ADH1C: variants seen among roughly 807,000 people sequenced by gnomAD.
ADH1C encodes alcohol dehydrogenase 1C.
A neutral mutation model predicts 35.0 loss-of-function variants in ADH1C; 26 were observed. The ratio of observed to expected loss-of-function variants is 0.74; its 90% CI spans 0.54 to 1.03. The LOEUF (loss-of-function observed/expected upper bound fraction) is 1.03, where lower values mean the gene tolerates loss of function less well. Ranked by LOEUF, ADH1C falls within the 50% of genes least tolerant of loss-of-function variation. The probability of loss-of-function intolerance (pLI) is 0.00; values close to 1 mark genes in which losing one functional copy is unlikely to be tolerated. For synonymous variants in ADH1C, 170 were observed against 169.3 expected, an observed-to-expected ratio of 1.00 and a Z score of -0.03; for missense variants, 413 against 465.4, an observed-to-expected ratio of 0.89 and a Z score of 1.04.
intron 1 of ADH1C, among the ~76,000 whole-genome samples, chr4:99,350,843 A>C (rs1734658362): frequency 6.6e-6 from 1 of 152,232 alleles, no homozygotes; most frequent in Non-Finnish European, 1.5e-5. Flanking sequence ...GGCTGTCCAG[A>C]GAATAAAGAT....
rs780905591 is a variant in ADH1C, at chr4:99,340,662, C to A, written c.877G>T (p.Val293Leu). The A allele has an allele frequency of 5.6e-6, 9 of 1,613,124 alleles. No individual in the cohort carries two copies. The Admixed American group carries it at 1.3e-4, about 24-fold the overall frequency. The change falls in exon 7 of 9, where the codon GTA becomes TTA. Residue 293 changes from valine (V) to leucine (L), a missense_variant. By Grantham distance (32) the Val-to-Leu change is conservative (BLOSUM62 1). Transcript: ENST00000515683. ...TTCTGGGAATCAGGAGGTACCCCTA[C>A]AATGACACTTGTGCCACATGCCTCA... ...CHEACGTSVI[V>L]GVPPDSQNLS...
chr4:99,341,411 G>A (rs976396424), intron 6 of ADH1C, among the ~76,000 whole-genome samples: 4 of 152,190 alleles, frequency 2.6e-5, no homozygotes, highest in Admixed American at 2.6e-4. Flanking sequence ...TGATCTTTGG[G>A]AGACTGACAT....
Position 99,347,818 on chromosome 4 carries a change from C to T in ADH1C, c.47G>A (p.Trp16Ter), listed in dbSNP as rs1478551212. 1 of 1,613,842 alleles carries T rather than the reference C, an allele frequency of 6.2e-7. No individual in the cohort carries two copies. The highest frequency in any genetic ancestry group is 1.1e-5 in the South Asian group (1 of 91,032). Reference protein sequence around the residue: ...KVIKCKAAVLWELKKPFSIEE... With the variant: ...KVIKCKAAVL ...AATGGAAAAGGGTTTCTTTAACTCC[C>T]ATAGCACAGCTGCTTTGCATTTGAT... The change falls in exon 2 of 9, where the codon TGG becomes TAG. Residue 16 changes from tryptophan (W) to a stop codon, truncating the protein, a stop_gained. Coordinates refer to ENST00000515683, the MANE Select transcript of ADH1C (RefSeq NM_000669.5). LOFTEE classifies it high-confidence loss of function.
intron 8 of ADH1C, 97 bp from the exon 9 acceptor site, chr4:99,336,873 T>A: frequency 6.5e-7 from 1 of 1,540,022 alleles, no homozygotes; most frequent in Admixed American, 1.7e-5. Context: ...TTAGTGAAAA[T>A]CTCTCTGTGT....
chr4:99,336,659 G>C lies in ADH1C; in HGVS notation c.*93C>G. ...GTAATTTATTTTTAACATCTCTGAA[G>C]AGCAGAATTAATGATATTTCCTAGC... On this transcript the variant is annotated 3_prime_UTR_variant, in exon 9 of 9. Coordinates refer to ENST00000515683, the MANE Select transcript of ADH1C (RefSeq NM_000669.5). 12 of 1,458,656 alleles carry C rather than the reference G, an allele frequency of 8.2e-6. No homozygotes were observed. The highest frequency in any genetic ancestry group is 1.2e-5 in the Non-Finnish European group (12 of 1,042,094). The allele number at this position is 1,458,656 out of a possible 1,614,324, so 90.4% of individuals were successfully genotyped here.
chr4:99,342,024 A>ATT (rs1734427616), intron 6 of ADH1C, among the ~76,000 whole-genome samples: 1 of 149,030 alleles, frequency 6.7e-6, no homozygotes, highest in African/African-American at 2.5e-5. Context: ...AAAAAAAAAA[A>ATT]AATAAATAAA....
chr4:99,336,892 A>G, intron 8 of ADH1C, 116 bp from the exon 9 acceptor site: 1 of 1,443,446 alleles, frequency 6.9e-7, no homozygotes, highest in South Asian at 1.2e-5. Context: ...GTTCTCAGCC[A>G]CTCCCTTCCC....
chr4:99,343,035 A>G lies in ADH1C; in HGVS notation c.588T>C (p.Cys196=). Residue 196 remains cysteine, a synonymous_variant, in exon 6 of 9, where the codon TGT becomes TGC. Coordinates refer to ENST00000515683, the MANE Select transcript of ADH1C (RefSeq NM_000669.5). ...KVAKVTPGST[C]AVFGLGGVGL... is the part of the protein sequence containing the mutation. The stretch of plus-strand genomic sequence containing the variant: ...CGACCCCTCCCAGGCCAAACACAGC[A>G]CAGGTAGACCCTGGGGTGACCTATG... The G allele has an allele frequency of 6.2e-6, 10 of 1,614,206 alleles. No homozygotes were observed. The highest frequency in any genetic ancestry group is 7.6e-6 in the Non-Finnish European group (9 of 1,180,026).
intron 1 of ADH1C, among the ~76,000 whole-genome samples, chr4:99,352,421 G>C (rs758129962): frequency 2.0e-5 from 3 of 152,064 alleles, no homozygotes; most frequent in Admixed American, 1.3e-4. Flanking sequence ...TATTCTTTTT[G>C]AAGGTATTTA....
At chr4:99,345,294 T>C in intron 3 of ADH1C, 28 bp from the exon 4 acceptor site, 2 of 1,587,912 alleles carry the variant, frequency 1.3e-6, no homozygotes, top group Non-Finnish European at 1.7e-6. Context: ...AAATTCTTCT[T>C]AAATTTCTAT....
intron 1 of ADH1C, among the ~76,000 whole-genome samples, chr4:99,350,652 T>G (rs1734655415): frequency 6.6e-6 from 1 of 152,216 alleles, no homozygotes; most frequent in African/African-American, 2.4e-5. Flanking sequence ...TGATGGGCAT[T>G]TAGGAAGTTT....
intron 6 of ADH1C, among the ~76,000 whole-genome samples, chr4:99,342,496 T>C (rs1734438379): frequency 6.6e-6 from 1 of 152,216 alleles, no homozygotes; most frequent in Non-Finnish European, 1.5e-5. Flanking sequence ...ATTATTTATA[T>C]ATATTTAAGT....
chr4:99,349,940 A>G (rs1022416157), intron 1 of ADH1C, among the ~76,000 whole-genome samples: 1 of 152,192 alleles, frequency 6.6e-6, no homozygotes, highest in Non-Finnish European at 1.5e-5. Context: ...ACATATTTCC[A>G]GTGCTTGGCA....
chr4:99,343,716 C>A (rs962622250), intron 5 of ADH1C, among the ~76,000 whole-genome samples: 1 of 152,136 alleles, frequency 6.6e-6, no homozygotes, highest in Admixed American at 6.5e-5. Context: ...GTATCCTCAG[C>A]TTCTGTTCTT....
chr4:99,341,044 T>G (rs34918164), intron 6 of ADH1C, among the ~76,000 whole-genome samples: 1 of 152,216 alleles, frequency 6.6e-6, no homozygotes, highest in East Asian at 1.9e-4. Flanking sequence ...AATGTGTGAG[T>G]TGGTTCCTTT....
intron 1 of ADH1C, among the ~76,000 whole-genome samples, chr4:99,350,684 T>C (rs778765417): frequency 3.3e-5 from 5 of 152,212 alleles, no homozygotes; most frequent in Admixed American, 6.5e-5. Flanking sequence ...CAATTGCAAA[T>C]TGTGCTGCTG....
intron 5 of ADH1C, among the ~76,000 whole-genome samples, 193 bp downstream of exon 5, chr4:99,344,669 T>TAACTC (rs34551784): frequency 0.31 from 47,184 of 151,840 alleles, 8,702 homozygotes; most frequent in Non-Finnish European, 0.41. Flanking sequence ...TACATTTTCT[T>TAACTC]AACAAGTTTT....
At chr4:99,351,459 GTTA>G (rs1236945210) in intron 1 of ADH1C, among the ~76,000 whole-genome samples, 6 of 152,102 alleles carry the variant, frequency 3.9e-5, no homozygotes, top group African/African-American at 1.4e-4. Flanking sequence ...TATTTCATCA[GTTA>G]TTATTTTCAT....
rs1421737769 is a variant in ADH1C at position 99,339,510 on chromosome 4, ACGCCC to A, written c.1103+62_1103+66del. 2.1e-5 allele frequency: 19 copies of A among 894,664 alleles called. 2 individuals are homozygous for A. The highest frequency in any genetic ancestry group is 7.0e-5 in the East Asian group (2 of 28,394). The allele number at this position is 894,664 out of a possible 1,614,324, so 55.4% of individuals were successfully genotyped here. ...CCACCTTTTCATTCTCTGCTAGACA[ACGCCC>A]CCCCCCCCCCCGCCGCTACTGTAGA... On this transcript the variant is annotated intron_variant, in intron 8 of 8. Transcript: ENST00000515683.
Sources: gnomAD v4.1 joint callset for allele counts (sites outside exome capture counted in the v4.1 genomes callset) on GRCh38, gnomAD v4.1.1 for gene constraint, MANE v1.5 for transcripts, NCBI Gene and HGNC (gene_info 2026-07-23, HGNC 2026-07-21) for gene names.